The following RBM46 variants were observed in gnomAD, a reference collection of about 807,000 sequenced individuals.
The protein encoded by RBM46 is RNA binding motif protein 46.
In RBM46, 12 loss-of-function variants were observed where a neutral mutation model predicts 43.3. The observed-to-expected ratio is 0.28, with a 90% CI of 0.18 to 0.45. The LOEUF is 0.45. RBM46 is among the 20% of genes least tolerant of loss of function. RBM46 has a pLI of 1.00. For synonymous variants in RBM46, 205 were observed against 207.6 expected (o/e 0.99, Z 0.11); for missense variants, 412 against 639.1 (o/e 0.64, Z 3.83).
rs567873048 is a variant in RBM46 at position 154,806,619 on chromosome 4, T to C, written c.1402+7055T>C. Among the ~76,000 whole-genome samples, 63 of 151,862 alleles carry C rather than the reference T, an allele frequency of 4.1e-4. 2 individuals are homozygous for C. The highest frequency in any genetic ancestry group is 3.9e-3 in the Admixed American group (59 of 15,246). ...TCCCTTCCTTTATGGAATTCAAAGC[T>C]TATGCCCCCCTACTTCACAGCAGAA... On this transcript the variant is annotated intron_variant, in intron 4 of 4. Transcript: ENST00000281722.
intron 4 of RBM46, among the ~76,000 whole-genome samples, chr4:154,817,307 C>G (rs1184457634): frequency 6.7e-6 from 1 of 150,048 alleles, no homozygotes; most frequent in Admixed American, 6.7e-5. Context: ...AGAGCTGCAT[C>G]CCATACATTT....
chr4:154,819,049 T>A (rs191782320), intron 4 of RBM46, among the ~76,000 whole-genome samples: 1 of 152,310 alleles, frequency 6.6e-6, no homozygotes, highest in East Asian at 1.9e-4. Context: ...GCTGTTTCTG[T>A]TGGTTTTAGG....
chr4:154,825,770 A>G (rs1344022998), intron 4 of RBM46, among the ~76,000 whole-genome samples: 2 of 152,190 alleles, frequency 1.3e-5, no homozygotes, highest in Non-Finnish European at 2.9e-5. Flanking sequence ...CCTGAAGATA[A>G]CCTTCTGTGT....
intron 1 of RBM46, among the ~76,000 whole-genome samples, chr4:154,795,774 G>C (rs1164295002): frequency 6.6e-6 from 1 of 152,084 alleles, no homozygotes; most frequent in Non-Finnish European, 1.5e-5. Flanking sequence ...TTAAAAGTTG[G>C]AACAGCATTT....
chr4:154,802,579 T>C (rs564069272), intron 4 of RBM46, among the ~76,000 whole-genome samples: 2 of 152,332 alleles, frequency 1.3e-5, no homozygotes, highest in South Asian at 2.1e-4. Flanking sequence ...TGGTGTGTTC[T>C]TGACATCCTA....
chr4:154,796,994 T>A, intron 2 of RBM46, 91 bp downstream of exon 2: 1 of 1,072,802 alleles, frequency 9.3e-7, no homozygotes. Context: ...AAACAATAGC[T>A]CTCTCCTTGT....
chr4:154,811,683 G>C (rs1034680705), intron 4 of RBM46, among the ~76,000 whole-genome samples: 2 of 146,516 alleles, frequency 1.4e-5, no homozygotes, highest in Non-Finnish European at 3.0e-5. Flanking sequence ...GTGTGTGTGT[G>C]TGTGTGTGTG....
intron 4 of RBM46, among the ~76,000 whole-genome samples, chr4:154,813,646 C>T (rs1023625574): frequency 3.3e-5 from 5 of 151,956 alleles, no homozygotes; most frequent in Admixed American, 6.6e-5. Context: ...AAATGTCAGT[C>T]GCTTATTGTA....
In RBM46 at chr4:154,828,023, G is replaced by T. The variant is rs2111232019; in HGVS notation, c.1558G>T (p.Val520Phe). 6.2e-7 allele frequency: 1 copy of T among 1,613,964 alleles called. No homozygotes were observed. Among genetic ancestry groups the T allele is most frequent in the East Asian group, 2.2e-5 (1 of 44,878 alleles). The part of the protein sequence containing the change: ...PTISLANGSH[V>F]GQRLCISNQA... ...AATATCACTTGCTAATGGCAGCCAT[G>T]TTGGACAGCGGCTATGTATCTCCAA... The change falls in exon 5 of 5, where the codon GTT (valine) becomes TTT (phenylalanine). Residue 520 changes from valine to phenylalanine, a missense_variant. By Grantham distance (50) the Val-to-Phe change is conservative. This residue lies in a region of RBM46 where 149 missense variants were observed against 156.3 expected (regional missense o/e 0.95). Coordinates refer to ENST00000281722, the MANE Select transcript of RBM46 (RefSeq NM_144979.5).
At chr4:154,801,558 G>A (rs866146897) in intron 4 of RBM46, among the ~76,000 whole-genome samples, 36 of 152,176 alleles carry the variant, frequency 2.4e-4, no homozygotes, top group African/African-American at 8.7e-4. Context: ...GGAGTGGGAT[G>A]TAATTAGTTG....
Position 154,802,927 on chromosome 4 carries a change from A to T in RBM46, c.1402+3363A>T, listed in dbSNP as rs539674484. ...GTCATTTTTTAAATTAATATTTTAG[A>T]TCTCTTTAAGAGTGTACTTTTAATA... On this transcript the variant is annotated intron_variant, in intron 4 of 4. Coordinates refer to ENST00000281722, the MANE Select transcript of RBM46 (RefSeq NM_144979.5). Among the ~76,000 whole-genome samples the T allele has an allele frequency of 9.2e-5, 14 of 152,214 alleles. No individual in the cohort carries two copies. The East Asian group carries it at 2.7e-3, about 29-fold the overall frequency.
At chr4:154,804,879 T>C (rs577632454) in intron 4 of RBM46, among the ~76,000 whole-genome samples, 1 of 151,592 alleles carries the variant, frequency 6.6e-6, no homozygotes, top group Admixed American at 6.6e-5. Context: ...AAGTGTGCTT[T>C]CCTAAGCATT....
intron 1 of RBM46, among the ~76,000 whole-genome samples, chr4:154,784,052 C>G (rs758927865): frequency 6.6e-6 from 1 of 152,204 alleles, no homozygotes; most frequent in Admixed American, 6.5e-5. Flanking sequence ...ATGTACCATA[C>G]TCAATGACAA....
chr4:154,826,579 A>G (rs535396292), intron 4 of RBM46, among the ~76,000 whole-genome samples: 1 of 152,306 alleles, frequency 6.6e-6, no homozygotes, highest in African/African-American at 2.4e-5. Flanking sequence ...AAAATAGTGA[A>G]AATATTTGGA....
intron 4 of RBM46, among the ~76,000 whole-genome samples, chr4:154,805,334 T>G (rs1734857362): frequency 6.6e-6 from 1 of 152,162 alleles, no homozygotes; most frequent in Admixed American, 6.5e-5. Context: ...GTGGACCATT[T>G]TGTGTGTGAA....
intron 4 of RBM46, among the ~76,000 whole-genome samples, chr4:154,810,811 T>C (rs1345768426): frequency 6.6e-6 from 1 of 152,240 alleles, no homozygotes; most frequent in African/African-American, 2.4e-5. Flanking sequence ...TTTCAAGCCC[T>C]CTGAGAAATT....
At chr4:154,823,407 ACTCACAT>A (rs1735810570) in intron 4 of RBM46, among the ~76,000 whole-genome samples, 1 of 151,918 alleles carries the variant, frequency 6.6e-6, no homozygotes, top group African/African-American at 2.4e-5. Flanking sequence ...TGGTGGTAGA[ACTCACAT>A]AGCTAACAGA....
At chr4:154,795,724 T>A (rs930360944) in intron 1 of RBM46, among the ~76,000 whole-genome samples, 2 of 152,154 alleles carry the variant, frequency 1.3e-5, no homozygotes, top group African/African-American at 4.8e-5. Flanking sequence ...ATATTTTATA[T>A]CACCTTGATA....
In RBM46 at chr4:154,828,702, G is replaced by T. The variant is rs562939767; in HGVS notation, c.*635G>T. 1 of 152,576 alleles carries T rather than the reference G, an allele frequency of 6.6e-6. No individual in the cohort carries two copies. Among genetic ancestry groups the T allele is most frequent in the South Asian group, 2.1e-4 (1 of 4,826 alleles). 9.5% of individuals were successfully genotyped at this position (152,576 alleles called of 1,614,324 possible). On this transcript the variant is annotated 3_prime_UTR_variant, in exon 5 of 5. Transcript: ENST00000281722. The stretch of plus-strand genomic sequence containing the variant: ...TTTTATAGTTATGCTTTGTGTTTTT[G>T]ATATTCTTTGTATTGTTAATAACAA...
Sources: allele counts gnomAD v4.1 joint callset (sites outside exome capture counted in the v4.1 genomes callset), GRCh38; gene constraint gnomAD v4.1.1; regional missense constraint gnomAD v4.1.1; transcripts MANE v1.5; gene names NCBI Gene and HGNC (gene_info 2026-07-23, HGNC 2026-07-21).